The following RARS2 variants were observed in gnomAD, a reference collection of about 807,000 sequenced individuals.
RARS2 encodes probable arginine--tRNA ligase, mitochondrial.
A neutral mutation model predicts 88.5 loss-of-function variants in RARS2; 67 were observed. The ratio of observed to expected loss-of-function variants is 0.76; its 90% confidence interval spans 0.62 to 0.93. RARS2 has a LOEUF of 0.93. Among genes scored for constraint, RARS2 ranks in the 40% least tolerant of loss-of-function variants. The pLI is 0.00. For synonymous variants in RARS2, 239 were observed against 230.3 expected (o/e 1.04, Z -0.34); for missense variants, 664 against 684.2 (o/e 0.97, Z 0.33).
At chr6:87,515,476 C>T (rs1051198631) in intron 18 of RARS2, among the ~76,000 whole-genome samples, 5 of 151,610 alleles carry the variant, frequency 3.3e-5, no homozygotes, top group Admixed American at 1.3e-4. Flanking sequence ...GCCGAGATCA[C>T]GCCACTGCAC....
In RARS2 at chr6:87,516,893, A is replaced by T. The variant is rs1771929877; in HGVS notation, c.1512-13T>A. 3 of 1,613,368 alleles carry T rather than the reference A, an allele frequency of 1.9e-6. No individual in the cohort carries two copies. Among genetic ancestry groups the T allele is most frequent in the Non-Finnish European group, 2.5e-6 (3 of 1,179,604 alleles). ...CACCTCGTCGAACCTAAAAGATGACAGGAACAGTGAACAGGAAAAGACTGT... is the reference window on the plus strand; with the variant it reads ...CACCTCGTCGAACCTAAAAGATGACTGGAACAGTGAACAGGAAAAGACTGT... On this transcript the variant is annotated splice_polypyrimidine_tract_variant and intron_variant, in intron 17 of 19. Coordinates refer to ENST00000369536, the MANE Select transcript of RARS2 (RefSeq NM_020320.5).
intron 10 of RARS2, 54 bp downstream of exon 10, chr6:87,529,488 A>G (rs1776758489): frequency 2.6e-6 from 3 of 1,157,212 alleles, no homozygotes; most frequent in African/African-American, 1.5e-5. Flanking sequence ...GGATACATCA[A>G]TAACAATTTC....
At chr6:87,574,131 C>A (rs1255454855) in intron 1 of RARS2, among the ~76,000 whole-genome samples, 1 of 152,140 alleles carries the variant, frequency 6.6e-6, no homozygotes, top group Non-Finnish European at 1.5e-5. Flanking sequence ...CACTTTCCAG[C>A]AAAAGTAAAA....
intron 1 of RARS2, among the ~76,000 whole-genome samples, chr6:87,572,306 T>G (rs935087990): frequency 6.6e-6 from 1 of 152,206 alleles, no homozygotes; most frequent in Non-Finnish European, 1.5e-5. Context: ...TTCCTTCTCC[T>G]TTTAAAAAGT....
chr6:87,524,597 T>C lies in RARS2; in HGVS notation c.934A>G (p.Thr312Ala). Residue 312 changes from threonine to alanine, a missense_variant, in exon 11 of 20, where the codon ACT (threonine) becomes GCT (alanine). By Grantham distance (58) the Thr-to-Ala change is moderately conservative. Transcript: ENST00000369536. ...SGNGDPSSIC[T>A]VMRSDGTSLY... is the part of the protein sequence containing the mutation. ...GAAGTCCCATCACTTCGCATTACAG[T>C]ACAAATTGAGGAGGGGTCGCCATTC... 1 of 1,613,618 alleles carries C rather than the reference T, an allele frequency of 6.2e-7. No individual in the cohort carries two copies. The highest frequency in any genetic ancestry group is 8.5e-7 in the Non-Finnish European group (1 of 1,179,674).
Position 87,514,498 on chromosome 6 carries a change from G to T in RARS2, c.1652C>A (p.Ala551Asp), listed in dbSNP as rs754848910. 1 of 1,607,466 alleles carries T rather than the reference G, an allele frequency of 6.2e-7. No individual in the cohort carries two copies. Among genetic ancestry groups the T allele is most frequent in the Admixed American group, 1.7e-5 (1 of 59,994 alleles). ...GACAGCTTTGAAAAGATGAAGTCTG[G>T]CCTACAAAATAAATCAAAGAATGAT... ...IKDSPPEVAG[A>D]RLHLFKAVRS... The change falls in exon 20 of 20, where the codon GCC (alanine) becomes GAC (aspartate). Residue 551 changes from alanine to aspartate, a missense_variant and splice_region_variant. Physicochemically the swap from Ala to Asp is moderately radical, Grantham distance 126. Transcript: ENST00000369536.
chr6:87,516,873 C>T lies in RARS2; in HGVS notation c.1519G>A (p.Glu507Lys), dbSNP rs746493119. 6.8e-6 allele frequency: 11 copies of T among 1,613,534 alleles called. No individual in the cohort carries two copies. The highest frequency in any genetic ancestry group is 1.3e-5 in the African/African-American group (1 of 74,886). The change falls in exon 18 of 20, where the codon GAG (glutamate) becomes AAG (lysine). Residue 507 changes from glutamate to lysine, a missense_variant. Glu to Lys is a moderately conservative substitution (Grantham distance 56). Transcript: ENST00000369536. ...SILQHLLRFD[E>K]VLYKSSQDFQ... ...TCCTGAGATGATTTATAAAGCACCT[C>T]GTCGAACCTAAAAGATGACAGGAAC...
At chr6:87,519,748 A>G (rs1484521573) in intron 13 of RARS2, 41 bp from the exon 14 acceptor site, 6 of 1,612,996 alleles carry the variant, frequency 3.7e-6, no homozygotes, top group African/African-American at 1.3e-5. Context: ...GCTAAACAAG[A>G]GCTGCTGCTG....
intron 9 of RARS2, among the ~76,000 whole-genome samples, chr6:87,530,253 C>T (rs1004290369): frequency 6.6e-6 from 1 of 152,204 alleles, no homozygotes; most frequent in Non-Finnish European, 1.5e-5. Context: ...ACTCCAGTCA[C>T]ACGGGCTTCT....
Position 87,525,541 on chromosome 6 carries a change from C to CT in RARS2, c.879-890dup, listed in dbSNP as rs1175877568. 7.0e-3 allele frequency among the ~76,000 whole-genome samples: 1,046 copies of CT among 149,664 alleles called. 8 individuals are homozygous for CT. Among genetic ancestry groups the CT allele is most frequent in the African/African-American group, 0.024 (987 of 40,368 alleles). ...AAATCAACATATGAAAATCAGTAGC[C>CT]TTTTTTTCTTTTTTTTTTTTTTGAG... On this transcript the variant is annotated intron_variant, in intron 10 of 19. Coordinates refer to ENST00000369536, the MANE Select transcript of RARS2 (RefSeq NM_020320.5).
chr6:87,550,216 C>A (rs998384902), intron 5 of RARS2, among the ~76,000 whole-genome samples: 9 of 152,132 alleles, frequency 5.9e-5, no homozygotes, highest in African/African-American at 2.2e-4. Context: ...ATTTACTCTT[C>A]TGCCTTTAAA....
Position 87,530,784 on chromosome 6 carries a change from C to T in RARS2, c.771G>A (p.Lys257=). The change falls in exon 9 of 20, where the codon AAG becomes AAA. Residue 257 remains lysine (K), a splice_region_variant and synonymous_variant. Transcript: ENST00000369536. Reference sequence around the variant, plus strand: ...AGCAGAAGGGAGGGTCAACCAATACCTTGTAAACCCGAATGTACTCTTCAA... The same window carrying T: ...AGCAGAAGGGAGGGTCAACCAATACTTTGTAAACCCGAATGTACTCTTCAA... ...LSIEEYIRVY[K]RLGVYFDEYS... 1 of 1,614,118 alleles carries T rather than the reference C, an allele frequency of 6.2e-7. No individual in the cohort carries two copies. Among genetic ancestry groups the T allele is most frequent in the Non-Finnish European group, 8.5e-7 (1 of 1,179,990 alleles).
chr6:87,565,060 A>G (rs1467764278), intron 2 of RARS2, among the ~76,000 whole-genome samples: 1 of 152,206 alleles, frequency 6.6e-6, no homozygotes, highest in African/African-American at 2.4e-5. Context: ...CTAGTCTCAA[A>G]AAATTCTTCC....
At chr6:87,561,887 T>C (rs1787947468) in intron 4 of RARS2, among the ~76,000 whole-genome samples, 1 of 152,248 alleles carries the variant, frequency 6.6e-6, no homozygotes, top group Admixed American at 6.5e-5. Flanking sequence ...ATATTTTTAA[T>C]AAGTGAGCTA....
chr6:87,549,552 T>TA (rs34784229), intron 5 of RARS2, among the ~76,000 whole-genome samples: 5,030 of 139,858 alleles, frequency 0.036, 102 homozygotes, highest in Non-Finnish European at 0.043. Context: ...TCTGTAAAAT[T>TA]AAAAAAAAAA....
rs1445274306 is a variant in RARS2 at position 87,559,474 on chromosome 6, A to C, written c.297+3228T>G. Among the ~76,000 whole-genome samples, 265 of 70,954 alleles carry C rather than the reference A, an allele frequency of 3.7e-3. 3 individuals carry two copies. The highest frequency in any genetic ancestry group is 0.012 in the African/African-American group (254 of 21,224). 46.5% of individuals were successfully genotyped at this position (70,954 alleles called of 152,430 possible). On this transcript the variant is annotated intron_variant, in intron 4 of 19. Transcript: ENST00000369536. Reference sequence around the variant, plus strand: ...GTGAAACTCTGTCTCAAAAAAAAAAAAAAAAAAAAAAAAAAAGAGACAGGG... The same window carrying C: ...GTGAAACTCTGTCTCAAAAAAAAAACAAAAAAAAAAAAAAAAGAGACAGGG...
intron 14 of RARS2, chr6:87,519,313 T>G (rs1773031975): frequency 2.5e-6 from 1 of 399,116 alleles, no homozygotes; most frequent in South Asian, 2.2e-5. Flanking sequence ...ACATAGAAAC[T>G]TCACGTAATC....
chr6:87,518,927 T>G (rs1311018783), intron 14 of RARS2, 36 bp from the exon 15 acceptor site: 4 of 1,595,476 alleles, frequency 2.5e-6, no homozygotes, highest in African/African-American at 1.3e-5. Flanking sequence ...TTAGTCTACA[T>G]GACACTGTGC....
chr6:87,564,815 T>C (rs1004008683), intron 2 of RARS2, among the ~76,000 whole-genome samples: 3 of 152,154 alleles, frequency 2.0e-5, no homozygotes, highest in Non-Finnish European at 2.9e-5. Context: ...CCCAGCACTT[T>C]GGGAGGCCGA....
Sources: allele counts gnomAD v4.1 joint callset (sites outside exome capture counted in the v4.1 genomes callset), GRCh38; gene constraint gnomAD v4.1.1; transcripts MANE v1.5; gene names NCBI Gene and HGNC (gene_info 2026-07-23, HGNC 2026-07-21).